Variants in MORN1 observed in about 807,000 individuals in gnomAD.
The protein encoded by MORN1 is MORN repeat containing 1.
Under a neutral mutation model 61.9 loss-of-function variants are expected in MORN1, and 67 were observed. That is an observed-to-expected ratio of 1.08 (90% CI 0.89 to 1.33). MORN1 has a LOEUF of 1.33. Ranked by LOEUF, MORN1 falls within the 40% of genes most tolerant of loss-of-function variation. The pLI, the probability that MORN1 is intolerant of heterozygous loss-of-function variation, is 0.00. For missense variants in MORN1, 752 were observed against 691.2 expected (o/e 1.09, Z -0.99); for synonymous variants, 301 against 292.0 (o/e 1.03, Z -0.31).
chr1:2,323,960 C>T, intron 13 of MORN1, 137 bp downstream of exon 13: 2 of 1,442,460 alleles, frequency 1.4e-6, no homozygotes, highest in Non-Finnish European at 9.1e-7. Flanking sequence ...GGCTGCTCCC[C>T]AGTCCCCCAC....
rs1310076818 is a variant in MORN1 at position 2,385,007 on chromosome 1, G to A, written c.508C>T (p.Leu170=). 1.3e-6 allele frequency: 2 copies of A among 1,595,470 alleles called. No individual in the cohort carries two copies. Among genetic ancestry groups the A allele is most frequent in the Non-Finnish European group, 8.5e-7 (1 of 1,172,692 alleles). The change falls in exon 6 of 14, where the codon CTG becomes TTG. Residue 170 remains leucine, a synonymous_variant. Coordinates refer to ENST00000378531, the MANE Select transcript of MORN1 (RefSeq NM_024848.3). ...VRDRRQGHGV[L]RCADGSTYKG... ...TAGGTGGAGCCGTCGGCGCAGCGCA[G>A]CACCCCGTGTCCCTGACGCCGGTCC...
intron 10 of MORN1, among the ~76,000 whole-genome samples, chr1:2,346,454 C>T (rs899406402): frequency 3.9e-5 from 6 of 152,188 alleles, no homozygotes; most frequent in South Asian, 2.1e-4. Flanking sequence ...GGCGCATTCT[C>T]GGCTCACTGC....
intron 10 of MORN1, among the ~76,000 whole-genome samples, chr1:2,346,834 C>T (rs1458973452): frequency 2.6e-5 from 4 of 152,196 alleles, no homozygotes; most frequent in Non-Finnish European, 5.9e-5. Flanking sequence ...CCGGTCACCC[C>T]TGCTGGGGTC....
Position 2,357,486 on chromosome 1 carries a change from C to T in MORN1, c.982G>A (p.Glu328Lys), listed in dbSNP as rs1641801537. ...ADVPLPRGDL[E>K]LHLGALHGQE... ...CCATGGAGGGCACCCAAATGCAGCT[C>T]CAGGTCTCCCCTGGGCAGGGGCACG... is the stretch of plus-strand genomic sequence containing the variant. Residue 328 changes from glutamate (E) to lysine (K), a missense_variant, in exon 10 of 14, where the codon GAG becomes AAG. Glu to Lys is a moderately conservative substitution (Grantham distance 56). Coordinates refer to ENST00000378531, the MANE Select transcript of MORN1 (RefSeq NM_024848.3). The surrounding 1 kb of genome is among the most constrained non-coding windows in gnomAD (Gnocchi z 6.3). 6.2e-7 allele frequency: 1 copy of T among 1,612,492 alleles called. No individual in the cohort carries two copies.
In MORN1 at chr1:2,358,578, T is replaced by C. The variant is rs769665132; in HGVS notation, c.869+14A>G. 1.2e-6 allele frequency: 2 copies of C among 1,614,038 alleles called. No homozygotes were observed. The highest frequency in any genetic ancestry group is 1.1e-5 in the South Asian group (1 of 91,074). ...CAAACTCAGAACTAACTCATTGGTGTCACACGTACTCACAATGGGGTCTGG... is the reference window on the plus strand; with the variant it reads ...CAAACTCAGAACTAACTCATTGGTGCCACACGTACTCACAATGGGGTCTGG... On this transcript the variant is annotated intron_variant, in intron 9 of 13. Coordinates refer to ENST00000378531, the MANE Select transcript of MORN1 (RefSeq NM_024848.3).
chr1:2,355,605 T>G (rs1405921490), intron 10 of MORN1: 2 of 841,566 alleles, frequency 2.4e-6, no homozygotes, highest in African/African-American at 1.7e-5. Flanking sequence ...GGCATTCCGC[T>G]GCCGCTTTCT....
chr1:2,356,459 C>A (rs1185997046), intron 10 of MORN1, among the ~76,000 whole-genome samples: 2 of 152,194 alleles, frequency 1.3e-5, no homozygotes, highest in East Asian at 3.9e-4. Flanking sequence ...AACCTGCGGC[C>A]TGTGTCCTCC....
intron 12 of MORN1, among the ~76,000 whole-genome samples, chr1:2,331,481 C>T (rs1641146865): frequency 6.6e-6 from 1 of 152,192 alleles, no homozygotes; most frequent in African/African-American, 2.4e-5. Flanking sequence ...TCTGTAGGGC[C>T]CTCGCAGCAG....
intron 13 of MORN1, chr1:2,322,522 G>A: frequency 4.1e-6 from 4 of 985,306 alleles, no homozygotes; most frequent in African/African-American, 1.7e-5. Flanking sequence ...CGGGGGCCGG[G>A]AGGAATGTGC....
chr1:2,336,507 C>G lies in MORN1; in HGVS notation c.1212G>C (p.Gly404=), dbSNP rs943694685. The change falls in exon 12 of 14, where the codon GGG becomes GGC. Residue 404 remains glycine, a synonymous_variant. Coordinates refer to ENST00000378531, the MANE Select transcript of MORN1 (RefSeq NM_024848.3). Reference sequence around the variant, plus strand: ...GAGGCTCCTGTGCCGTGGGTGGTGTCCCCCTGGGGTGCAGGCCGCCTCTGG... The same window carrying G: ...GAGGCTCCTGTGCCGTGGGTGGTGTGCCCCTGGGGTGCAGGCCGCCTCTGG... The part of the protein sequence containing the change: ...GRSRGGLHPR[G]TPPTAQEPPG... The G allele has an allele frequency of 1.2e-6, 2 of 1,612,666 alleles. No homozygotes were observed. Among genetic ancestry groups the G allele is most frequent in the South Asian group, 1.1e-5 (1 of 91,060 alleles).
At chr1:2,324,447 A>C (rs1438037362) in intron 12 of MORN1, among the ~76,000 whole-genome samples, 1 of 152,184 alleles carries the variant, frequency 6.6e-6, no homozygotes, top group Non-Finnish European at 1.5e-5. Context: ...CAGTCTTCTG[A>C]CAAGGCGGAG....
intron 10 of MORN1, among the ~76,000 whole-genome samples, chr1:2,348,665 A>G (rs1488078929): frequency 7.3e-6 from 1 of 136,862 alleles, no homozygotes; most frequent in Non-Finnish European, 1.7e-5. Context: ...ACACGCACGC[A>G]CACGCACACC....
At chr1:2,368,562 C>T (rs1169971551) in intron 8 of MORN1, among the ~76,000 whole-genome samples, 1 of 152,186 alleles carries the variant, frequency 6.6e-6, no homozygotes, top group African/African-American at 2.4e-5. Context: ...CTCCCTGACC[C>T]TGTTTTATCT....
At chr1:2,385,089 C>A in intron 5 of MORN1, 24 bp from the exon 6 acceptor site, 2 of 1,568,574 alleles carry the variant, frequency 1.3e-6, no homozygotes, top group Non-Finnish European at 1.7e-6. Context: ...GCACGGAGTC[C>A]ACTCTCAACA....
At chr1:2,385,127 A>C in intron 5 of MORN1, 62 bp from the exon 6 acceptor site, 1 of 1,502,880 alleles carries the variant, frequency 6.7e-7, no homozygotes. Flanking sequence ...GCAGTGACTC[A>C]GACCGGCTCC....
chr1:2,342,195 G>A (rs1340540438), intron 10 of MORN1, among the ~76,000 whole-genome samples: 3 of 152,262 alleles, frequency 2.0e-5, no homozygotes, highest in African/African-American at 7.2e-5. Flanking sequence ...CAGCTTGACC[G>A]CTCTGGAGGG....
chr1:2,379,557 C>T (rs550759672), intron 6 of MORN1, among the ~76,000 whole-genome samples: 2 of 152,084 alleles, frequency 1.3e-5, no homozygotes, highest in African/African-American at 2.4e-5. Context: ...CAGGTGCTCA[C>T]GGGTGGGGGC....
At chr1:2,383,306 T>C (rs968675079) in intron 6 of MORN1, among the ~76,000 whole-genome samples, 14 of 152,218 alleles carry the variant, frequency 9.2e-5, no homozygotes, top group African/African-American at 3.1e-4. Flanking sequence ...CCCCAGAGTC[T>C]GGTCTCTGGC....
intron 10 of MORN1, chr1:2,355,075 G>GCGGGGGGCCC (rs1557879191): frequency 3.7e-6 from 3 of 816,128 alleles, no homozygotes; most frequent in Non-Finnish European, 4.5e-6. Flanking sequence ...CAGTGGGGCC[G>GCGGGGGGCCC]GCGCGGGGGG....
Sources: gnomAD v4.1 joint callset for allele counts (sites outside exome capture counted in the v4.1 genomes callset) on GRCh38, gnomAD v4.1.1 for gene constraint, Gnocchi (gnomAD v3.1) non-coding constraint, MANE v1.5 for transcripts, NCBI Gene and HGNC (gene_info 2026-07-23, HGNC 2026-07-21) for gene names.